The following ADAMTSL1 variants were observed in gnomAD, a reference collection of about 807,000 sequenced individuals.
ADAMTSL1 encodes ADAMTS like 1, also known as ADAMTS-like protein 1.
In ADAMTSL1, 126 loss-of-function variants were observed where a neutral mutation model predicts 201.8. The ratio of observed to expected loss-of-function variants is 0.62; its 90% CI spans 0.54 to 0.72. The LOEUF (loss-of-function observed/expected upper bound fraction) is 0.72, where lower values mean the gene tolerates loss of function less well. Among genes scored for constraint, ADAMTSL1 ranks in the 30% least tolerant of loss-of-function variants. The pLI is 0.00. For synonymous variants in ADAMTSL1, 1,121 were observed against 903.4 expected, an observed-to-expected ratio of 1.24 and a Z score of -4.32; for missense variants, 2,679 against 2,277.8, an observed-to-expected ratio of 1.18 and a Z score of -3.59.
At chr9:17,972,542 T>C (rs1818253778) in intron 1 of ADAMTSL1, among the ~76,000 whole-genome samples, 1 of 152,002 alleles carries the variant, frequency 6.6e-6, no homozygotes, top group African/African-American at 2.4e-5. Context: ...ATGTGCCACA[T>C]TTTCTTAATC....
At chr9:18,082,739 G>A (rs1823562423) in intron 1 of ADAMTSL1, among the ~76,000 whole-genome samples, 1 of 152,146 alleles carries the variant, frequency 6.6e-6, no homozygotes, top group Non-Finnish European at 1.5e-5. Context: ...CTGTTGTGAA[G>A]GAGCCTGCAG....
intron 1 of ADAMTSL1, among the ~76,000 whole-genome samples, chr9:18,116,936 C>T (rs2131901508): frequency 6.6e-6 from 1 of 152,274 alleles, no homozygotes; most frequent in African/African-American, 2.4e-5. Context: ...GACTATCTTT[C>T]TACCTGTGGC....
intron 26 of ADAMTSL1, among the ~76,000 whole-genome samples, chr9:18,902,857 C>T (rs1031360757): frequency 2.0e-5 from 3 of 152,116 alleles, no homozygotes; most frequent in South Asian, 2.1e-4. Flanking sequence ...AGAGAAGACT[C>T]GAATTCCTAA....
intron 1 of ADAMTSL1, among the ~76,000 whole-genome samples, chr9:17,938,912 C>A (rs76173281): frequency 6.6e-6 from 1 of 152,088 alleles, no homozygotes; most frequent in African/African-American, 2.4e-5. Flanking sequence ...AGAGAAAACC[C>A]TTTTGTCTTG....
intron 1 of ADAMTSL1, among the ~76,000 whole-genome samples, chr9:18,115,892 G>A (rs918170208): frequency 6.6e-6 from 1 of 152,138 alleles, no homozygotes; most frequent in Admixed American, 6.6e-5. Flanking sequence ...AGGAAATAGC[G>A]TTTTCTTTCA....
At chr9:18,314,732 A>G (rs1300426557) in intron 2 of ADAMTSL1, among the ~76,000 whole-genome samples, 2 of 142,790 alleles carry the variant, frequency 1.4e-5, no homozygotes, top group East Asian at 2.2e-4. Flanking sequence ...AAGCTTCCAC[A>G]GCGTGGAAGG....
chr9:18,537,916 GAGA>G (rs1819886704), intron 3 of ADAMTSL1, among the ~76,000 whole-genome samples: 1 of 145,986 alleles, frequency 6.8e-6, no homozygotes, highest in Admixed American at 6.9e-5. Flanking sequence ...AGAAGAAGAA[GAGA>G]AGAAAGAAGA....
intron 4 of ADAMTSL1, among the ~76,000 whole-genome samples, chr9:18,597,634 A>G (rs1824356391): frequency 6.6e-6 from 1 of 152,204 alleles, no homozygotes; most frequent in South Asian, 2.1e-4. Context: ...AAAAAATGTT[A>G]AAAATCAAAT....
intron 1 of ADAMTSL1, among the ~76,000 whole-genome samples, chr9:18,129,986 G>A (rs1371401499): frequency 6.6e-6 from 1 of 152,140 alleles, no homozygotes; most frequent in Non-Finnish European, 1.5e-5. Flanking sequence ...TACATCAGTC[G>A]CATGCACTGG....
At chr9:18,262,162 G>A (rs1831948850) in intron 2 of ADAMTSL1, among the ~76,000 whole-genome samples, 1 of 152,096 alleles carries the variant, frequency 6.6e-6, no homozygotes, top group South Asian at 2.1e-4. Flanking sequence ...CCAGAGTGAG[G>A]GTCACAAATT....
intron 1 of ADAMTSL1, among the ~76,000 whole-genome samples, chr9:17,937,450 C>A (rs1469765879): frequency 6.6e-6 from 1 of 152,052 alleles, no homozygotes; most frequent in African/African-American, 2.4e-5. Context: ...ACTTAGATCC[C>A]TGAAGGGCAA....
At chr9:17,998,107 A>T (rs7043577) in intron 1 of ADAMTSL1, among the ~76,000 whole-genome samples, 4,211 of 152,212 alleles carry the variant, frequency 0.028, 188 homozygotes, top group African/African-American at 0.095. Flanking sequence ...TAGCCTTTCC[A>T]TTCTTAACAA....
At chr9:18,005,358 A>G (rs1004265497) in intron 1 of ADAMTSL1, among the ~76,000 whole-genome samples, 1 of 152,066 alleles carries the variant, frequency 6.6e-6, no homozygotes, top group Non-Finnish European at 1.5e-5. Flanking sequence ...CATGGCCTTT[A>G]TTGAGCACCT....
chr9:18,442,000 A>G (rs1820013345), intron 2 of ADAMTSL1, among the ~76,000 whole-genome samples: 1 of 152,226 alleles, frequency 6.6e-6, no homozygotes, highest in African/African-American at 2.4e-5. Context: ...GCTGGATGAT[A>G]ATGGTTATTA....
intron 23 of ADAMTSL1, among the ~76,000 whole-genome samples, chr9:18,865,187 C>T (rs1827443669): frequency 6.6e-6 from 1 of 152,000 alleles, no homozygotes; most frequent in African/African-American, 2.4e-5. Context: ...CTATCCCTCC[C>T]CGCTCCCCCC....
At chr9:18,842,335 T>C (rs1305358040) in intron 23 of ADAMTSL1, among the ~76,000 whole-genome samples, 1 of 152,200 alleles carries the variant, frequency 6.6e-6, no homozygotes, top group Non-Finnish European at 1.5e-5. Context: ...AGTTTCCATG[T>C]AGTTGAGCAG....
chr9:18,039,515 T>A (rs185793181), intron 1 of ADAMTSL1, among the ~76,000 whole-genome samples: 1 of 152,288 alleles, frequency 6.6e-6, no homozygotes, highest in African/African-American at 2.4e-5. Context: ...TTTTATGAAT[T>A]TTTCTTGTTA....
intron 4 of ADAMTSL1, among the ~76,000 whole-genome samples, chr9:18,577,830 A>G (rs896358346): frequency 2.0e-5 from 3 of 152,162 alleles, no homozygotes; most frequent in Non-Finnish European, 2.9e-5. Context: ...AAAAAAAACA[A>G]AAAGAGACCT....
intron 3 of ADAMTSL1, among the ~76,000 whole-genome samples, chr9:18,552,907 A>T (rs946034396): frequency 2.6e-5 from 4 of 151,316 alleles, no homozygotes; most frequent in African/African-American, 9.7e-5. Flanking sequence ...CTTTATCTTT[A>T]TGGATATTTA....
Sources: gnomAD v4.1 joint callset for allele counts (sites outside exome capture counted in the v4.1 genomes callset) on GRCh38, gnomAD v4.1.1 for gene constraint, MANE v1.5 for transcripts, NCBI Gene and HGNC (gene_info 2026-07-23, HGNC 2026-07-21) for gene names.